The following POLR3B variants were observed in gnomAD, a reference collection of about 807,000 sequenced individuals.
POLR3B encodes the protein DNA-directed RNA polymerase III subunit RPC2.
In POLR3B, 96 loss-of-function variants were observed where a neutral mutation model predicts 147.4. The ratio of observed to expected loss-of-function variants is 0.65; its 90% CI spans 0.55 to 0.77. The LOEUF (loss-of-function observed/expected upper bound fraction) is 0.77, where lower values mean the gene tolerates loss of function less well. POLR3B is among the 30% of genes least tolerant of loss of function. The pLI is 0.00. For missense variants in POLR3B, 1,036 were observed against 1,413.5 expected (o/e 0.73, Z 4.28); for synonymous variants, 461 against 485.9 (o/e 0.95, Z 0.67).
chr12:106,444,691 A>G (rs1018844726), intron 19 of POLR3B, 101 bp downstream of exon 19: 52 of 1,280,884 alleles, frequency 4.1e-5, no homozygotes, highest in African/African-American at 2.8e-4. Flanking sequence ...TATGTTCCCA[A>G]CCAGGCACTG....
chr12:106,426,222 T>TC (rs1555213087), intron 12 of POLR3B, among the ~76,000 whole-genome samples: 1 of 131,130 alleles, frequency 7.6e-6, no homozygotes, highest in East Asian at 2.3e-4. Context: ...GGCCTGCAAT[T>TC]TGTGTGTGTG....
intron 19 of POLR3B, 117 bp downstream of exon 19, chr12:106,444,707 A>G (rs2037699558): frequency 6.5e-6 from 7 of 1,079,826 alleles, no homozygotes; most frequent in African/African-American, 1.6e-5. Flanking sequence ...CACTGGGAAC[A>G]CCTGAGGGTT....
chr12:106,486,785 C>G (rs767765393), intron 23 of POLR3B, among the ~76,000 whole-genome samples: 3 of 152,236 alleles, frequency 2.0e-5, no homozygotes, highest in Non-Finnish European at 4.4e-5. Flanking sequence ...ACTATCCCCA[C>G]TCCCTTCTTT....
intron 16 of POLR3B, among the ~76,000 whole-genome samples, chr12:106,435,430 C>T (rs944493024): frequency 2.0e-5 from 3 of 152,156 alleles, no homozygotes; most frequent in African/African-American, 7.2e-5. Flanking sequence ...CAGGTGTGAG[C>T]CATCGCACCC....
Position 106,463,728 on chromosome 12 carries a change from A to G in POLR3B, c.2713+108A>G, listed in dbSNP as rs79103522. 0.023 allele frequency: 20,078 copies of G among 859,230 alleles called. 427 individuals carry two copies. Among genetic ancestry groups the G allele is most frequent in the South Asian group, 0.068 (4,575 of 67,384 alleles). 53.2% of individuals were successfully genotyped at this position (859,230 alleles called of 1,614,324 possible). ...AAAAAATTTACTTTGGAAAAGTATTACATTGTTATAAAAATTAATCTTGTT... is the reference window on the plus strand; with the variant it reads ...AAAAAATTTACTTTGGAAAAGTATTGCATTGTTATAAAAATTAATCTTGTT... On this transcript the variant is annotated intron_variant, in intron 23 of 27. Coordinates refer to ENST00000228347, the MANE Select transcript of POLR3B (RefSeq NM_018082.6).
chr12:106,428,093 C>T (rs2037460673), intron 13 of POLR3B, among the ~76,000 whole-genome samples: 1 of 152,128 alleles, frequency 6.6e-6, no homozygotes, highest in East Asian at 1.9e-4. Context: ...GTGTGAGTGG[C>T]CCATACAGTG....
rs574241709 is a variant in POLR3B at position 106,417,528 on chromosome 12, G to T, written c.1101+6568G>T. The stretch of plus-strand genomic sequence containing the variant: ...AGATGAACAGGCGAAGAGTGGACCG[G>T]CTAGAAGCTGTAGCAGTTTTCTAGA... On this transcript the variant is annotated intron_variant, in intron 12 of 27. Transcript: ENST00000228347. Among the ~76,000 whole-genome samples the T allele has an allele frequency of 2.2e-4, 33 of 152,268 alleles. No individual in the cohort carries two copies. In the South Asian group the frequency reaches 2.3e-3, roughly 11 times the overall value.
At chr12:106,388,728 T>C (rs2036876124) in intron 9 of POLR3B, among the ~76,000 whole-genome samples, 1 of 152,246 alleles carries the variant, frequency 6.6e-6, no homozygotes, top group Non-Finnish European at 1.5e-5. Flanking sequence ...TTGGTCTACT[T>C]TAAAGAAACA....
At chr12:106,398,112 G>A (rs1267486750) in intron 10 of POLR3B, among the ~76,000 whole-genome samples, 2 of 152,194 alleles carry the variant, frequency 1.3e-5, no homozygotes, top group African/African-American at 2.4e-5. Flanking sequence ...ACGGCACCTG[G>A]AAAATCGGGT....
chr12:106,447,569 G>T (rs528202297), intron 19 of POLR3B, among the ~76,000 whole-genome samples: 1 of 152,148 alleles, frequency 6.6e-6, no homozygotes, highest in Non-Finnish European at 1.5e-5. Flanking sequence ...CAGGTCACTC[G>T]CTCAGCACTA....
At chr12:106,478,271 C>G (rs1414348190) in intron 23 of POLR3B, among the ~76,000 whole-genome samples, 1 of 152,116 alleles carries the variant, frequency 6.6e-6, no homozygotes, top group East Asian at 1.9e-4. Context: ...ATACAGGCGT[C>G]TAGGTAAAAC....
intron 23 of POLR3B, among the ~76,000 whole-genome samples, chr12:106,495,373 A>G (rs983384669): frequency 3.9e-5 from 6 of 151,968 alleles, no homozygotes; most frequent in East Asian, 3.9e-4. Flanking sequence ...ACGATTTGGT[A>G]TTCAATTTTC....
intron 19 of POLR3B, among the ~76,000 whole-genome samples, chr12:106,449,291 T>C (rs1367686223): frequency 6.6e-6 from 1 of 152,196 alleles, no homozygotes; most frequent in Non-Finnish European, 1.5e-5. Flanking sequence ...AGTTTTCCAC[T>C]TGTGGCGGCA....
chr12:106,422,735 C>T (rs965462987), intron 12 of POLR3B, among the ~76,000 whole-genome samples: 6 of 152,132 alleles, frequency 3.9e-5, no homozygotes, highest in African/African-American at 1.4e-4. Context: ...GTCAGCTTGT[C>T]TATGTATTCA....
At chr12:106,399,273 G>C (rs1437310726) in intron 10 of POLR3B, among the ~76,000 whole-genome samples, 1 of 152,086 alleles carries the variant, frequency 6.6e-6, no homozygotes, top group African/African-American at 2.4e-5. Flanking sequence ...GAGAAGTTTA[G>C]AGAAAAAAGA....
chr12:106,484,750 T>A (rs556727613), intron 23 of POLR3B, among the ~76,000 whole-genome samples: 1 of 151,936 alleles, frequency 6.6e-6, no homozygotes, highest in East Asian at 1.9e-4. Context: ...GACATTGAGC[T>A]GAGACACGAA....
intron 15 of POLR3B, among the ~76,000 whole-genome samples, chr12:106,432,716 T>C (rs112339913): frequency 2.1e-3 from 327 of 152,344 alleles, no homozygotes; most frequent in African/African-American, 7.3e-3. Flanking sequence ...AGAAAGTGGC[T>C]GCTTTCTCCC....
chr12:106,445,115 C>CATGAG (rs1299267161), intron 19 of POLR3B, among the ~76,000 whole-genome samples: 14 of 152,286 alleles, frequency 9.2e-5, no homozygotes, highest in African/African-American at 3.4e-4. Context: ...ATTTTCCTTC[C>CATGAG]TCTTTCTCTT....
In POLR3B at chr12:106,509,980, T is replaced by C. The variant is rs2038750096; in HGVS notation, c.*431T>C. The C allele has an allele frequency of 6.0e-6, 1 of 166,742 alleles. No homozygotes were observed. The highest frequency in any genetic ancestry group is 2.4e-5 in the African/African-American group (1 of 41,820). 10.3% of individuals were successfully genotyped at this position (166,742 alleles called of 1,614,324 possible). On this transcript the variant is annotated 3_prime_UTR_variant, in exon 28 of 28. Transcript: ENST00000228347. ...AAGAATCCATTTGATTTGGTCAGCC[T>C]GGCTTTTGTCGTGGTGGCTGGCTCG...
Sources: allele counts gnomAD v4.1 joint callset (sites outside exome capture counted in the v4.1 genomes callset), GRCh38; gene constraint gnomAD v4.1.1; transcripts MANE v1.5; gene names NCBI Gene and HGNC (gene_info 2026-07-23, HGNC 2026-07-21).